PTPRT: variants seen among roughly 807,000 people sequenced by gnomAD.
PTPRT encodes the protein receptor-type tyrosine-protein phosphatase T.
A neutral mutation model predicts 176.8 loss-of-function variants in PTPRT; 56 were observed. The ratio of observed to expected loss-of-function variants is 0.32; its 90% CI spans 0.26 to 0.40. The LOEUF (loss-of-function observed/expected upper bound fraction) is 0.40, where lower values mean the gene tolerates loss of function less well. PTPRT is among the 10% of genes least tolerant of loss of function. The probability of loss-of-function intolerance (pLI) is 1.00; values close to 1 mark genes in which losing one functional copy is unlikely to be tolerated. For synonymous variants in PTPRT, 783 were observed against 739.0 expected, an observed-to-expected ratio of 1.06 and a Z score of -0.96; for missense variants, 1,540 against 1,908.2, an observed-to-expected ratio of 0.81 and a Z score of 3.60.
intron 7 of PTPRT, among the ~76,000 whole-genome samples, chr20:42,579,030 G>A (rs1049518181): frequency 1.1e-4 from 17 of 151,508 alleles, no homozygotes; most frequent in African/African-American, 4.1e-4. Flanking sequence ...TTAACATTAG[G>A]TATATCTTTT....
intron 15 of PTPRT, among the ~76,000 whole-genome samples, chr20:42,226,010 T>C (rs2056001610): frequency 5.9e-5 from 9 of 152,234 alleles, no homozygotes; most frequent in Admixed American, 5.9e-4. Flanking sequence ...AAAACTTTAC[T>C]GGGCCCGTTA....
chr20:42,274,370 G>A (rs562186043), intron 13 of PTPRT, among the ~76,000 whole-genome samples: 1 of 152,264 alleles, frequency 6.6e-6, no homozygotes, highest in Non-Finnish European at 1.5e-5. Flanking sequence ...TAAGCTACTG[G>A]GAGTTGGGTA....
chr20:42,301,107 C>T (rs2057461668), intron 12 of PTPRT, among the ~76,000 whole-genome samples: 1 of 152,074 alleles, frequency 6.6e-6, no homozygotes, highest in African/African-American at 2.4e-5. Flanking sequence ...TATGTGTGTA[C>T]AAAACACTTA....
intron 16 of PTPRT, among the ~76,000 whole-genome samples, chr20:42,170,922 T>C (rs1419604165): frequency 3.3e-5 from 5 of 152,192 alleles, no homozygotes; most frequent in African/African-American, 1.2e-4. Flanking sequence ...TCTGATACAA[T>C]TGTTTAAATA....
intron 7 of PTPRT, among the ~76,000 whole-genome samples, chr20:42,523,676 T>G (rs926208490): frequency 2.6e-5 from 4 of 152,208 alleles, no homozygotes; most frequent in African/African-American, 4.8e-5. Flanking sequence ...TAGACATATA[T>G]TGTAGTTATT....
At chr20:42,980,301 C>G (rs930011534) in intron 1 of PTPRT, among the ~76,000 whole-genome samples, 1 of 152,100 alleles carries the variant, frequency 6.6e-6, no homozygotes, top group African/African-American at 2.4e-5. Flanking sequence ...GAATTGGGAG[C>G]CTGGGGTACA....
At chr20:42,466,367 C>G (rs560541173) in intron 8 of PTPRT, among the ~76,000 whole-genome samples, 188 of 152,148 alleles carry the variant, frequency 1.2e-3, no homozygotes, top group African/African-American at 4.4e-3. Flanking sequence ...GAAGGCAAAC[C>G]TTTAAATGGA....
chr20:42,908,874 C>A (rs206665), intron 1 of PTPRT, among the ~76,000 whole-genome samples: 1 of 152,110 alleles, frequency 6.6e-6, no homozygotes, highest in African/African-American at 2.4e-5. Context: ...CAAGGAAATA[C>A]AGGATGGTGC....
chr20:42,303,095 C>G (rs543443712), intron 12 of PTPRT, among the ~76,000 whole-genome samples: 3 of 152,182 alleles, frequency 2.0e-5, no homozygotes, highest in Non-Finnish European at 4.4e-5. Flanking sequence ...CTATTAGGAG[C>G]TGGCAACCCC....
intron 8 of PTPRT, among the ~76,000 whole-genome samples, chr20:42,454,176 T>C (rs1370520556): frequency 6.6e-6 from 1 of 152,210 alleles, no homozygotes; most frequent in Non-Finnish European, 1.5e-5. Context: ...TCTATTTTGA[T>C]GCACATAGTT....
intron 7 of PTPRT, among the ~76,000 whole-genome samples, chr20:42,480,822 A>G (rs1241232503): frequency 4.6e-5 from 7 of 152,226 alleles, no homozygotes; most frequent in Non-Finnish European, 8.8e-5. Context: ...CAACTGCATT[A>G]TTAGATGATA....
intron 12 of PTPRT, among the ~76,000 whole-genome samples, chr20:42,311,301 C>G (rs1005040807): frequency 6.6e-6 from 1 of 152,092 alleles, no homozygotes; most frequent in Non-Finnish European, 1.5e-5. Flanking sequence ...TAGTAGTTTA[C>G]TGAAAGTCAC....
At chr20:42,140,817 T>C (rs928460855) in intron 18 of PTPRT, among the ~76,000 whole-genome samples, 1 of 152,212 alleles carries the variant, frequency 6.6e-6, no homozygotes, top group African/African-American at 2.4e-5. Context: ...GATAGATCCA[T>C]GCTGCTCACC....
chr20:42,364,712 C>T (rs895033642), intron 9 of PTPRT, among the ~76,000 whole-genome samples: 3 of 152,262 alleles, frequency 2.0e-5, no homozygotes, highest in African/African-American at 4.8e-5. Flanking sequence ...GGGGACTCTA[C>T]GTTCTCCTAT....
chr20:42,872,589 C>G (rs1375288785), intron 2 of PTPRT, among the ~76,000 whole-genome samples: 1 of 152,140 alleles, frequency 6.6e-6, no homozygotes, highest in Non-Finnish European at 1.5e-5. Context: ...GGAGTCTTCA[C>G]CAATGTTTTG....
intron 1 of PTPRT, among the ~76,000 whole-genome samples, chr20:43,049,478 T>C (rs921894227): frequency 6.6e-6 from 1 of 152,092 alleles, no homozygotes; most frequent in African/African-American, 2.4e-5. Context: ...AAAAGGAGTA[T>C]AAACAAGAGG....
At position 43,165,137 on chromosome 20, in the gene PTPRT, G is replaced by A. The variant is rs6030679; in HGVS notation, c.88+24509C>T. Among the ~76,000 whole-genome samples, 599 of 151,928 alleles carry A rather than the reference G, an allele frequency of 3.9e-3. 8 individuals carry two copies. The highest frequency in any genetic ancestry group is 0.014 in the African/African-American group (579 of 41,442). On this transcript the variant is annotated intron_variant, in intron 1 of 30. Coordinates refer to ENST00000373187, the MANE Select transcript of PTPRT (RefSeq NM_007050.6). Reference sequence around the variant, plus strand: ...TCACAAGATCTGATGGTTTTAGAGAGGCCAGTTCATCTGCACATACTTTTT... The same window carrying A: ...TCACAAGATCTGATGGTTTTAGAGAAGCCAGTTCATCTGCACATACTTTTT...
chr20:42,856,426 T>A (rs985647956), intron 2 of PTPRT, among the ~76,000 whole-genome samples: 6 of 152,088 alleles, frequency 3.9e-5, no homozygotes, highest in African/African-American at 7.2e-5. Flanking sequence ...GATTTTTTTT[T>A]AAAACTCACC....
At chr20:42,735,886 G>A (rs1369727530) in intron 6 of PTPRT, among the ~76,000 whole-genome samples, 1 of 152,090 alleles carries the variant, frequency 6.6e-6, no homozygotes, top group Non-Finnish European at 1.5e-5. Context: ...CTAGTTGTCT[G>A]TCCTTAACCT....
Sources: gnomAD v4.1 joint callset for allele counts (sites outside exome capture counted in the v4.1 genomes callset) on GRCh38, gnomAD v4.1.1 for gene constraint, MANE v1.5 for transcripts, NCBI Gene and HGNC (gene_info 2026-07-23, HGNC 2026-07-21) for gene names.